PARD3: variants seen among roughly 807,000 people sequenced by gnomAD.
PARD3 encodes par-3 family cell polarity regulator.
In PARD3, 75 loss-of-function variants were observed where a neutral mutation model predicts 155.4. The observed-to-expected ratio is 0.48, with a 90% CI of 0.40 to 0.58. The LOEUF (loss-of-function observed/expected upper bound fraction) is 0.58, where lower values mean the gene tolerates loss of function less well. Ranked by LOEUF, PARD3 falls within the 20% of genes least tolerant of loss-of-function variation. The pLI, the probability that PARD3 is intolerant of heterozygous loss-of-function variation, is 0.00. For synonymous variants in PARD3, 576 were observed against 610.5 expected (o/e 0.94, Z 0.83); for missense variants, 1,642 against 1,721.7 (o/e 0.95, Z 0.82).
At chr10:34,718,024 C>A (rs1159148424) in intron 1 of PARD3, among the ~76,000 whole-genome samples, 2 of 151,762 alleles carry the variant, frequency 1.3e-5, no homozygotes, top group Non-Finnish European at 2.9e-5. Context: ...CATGGTGGTG[C>A]ATGCCTGTAA....
At chr10:34,641,880 A>C (rs2092689516) in intron 2 of PARD3, among the ~76,000 whole-genome samples, 1 of 152,128 alleles carries the variant, frequency 6.6e-6, no homozygotes, top group Non-Finnish European at 1.5e-5. Context: ...AGCGTGGAGG[A>C]GGGCACAAGG....
intron 2 of PARD3, among the ~76,000 whole-genome samples, chr10:34,594,702 A>G (rs1373196096): frequency 1.3e-5 from 2 of 152,150 alleles, no homozygotes; most frequent in African/African-American, 2.4e-5. Context: ...ATGATGGCTC[A>G]TGCCCGTAGT....
intron 3 of PARD3, among the ~76,000 whole-genome samples, chr10:34,480,794 CTTTTTTTTT>C (rs61461165): frequency 1.6e-5 from 2 of 125,770 alleles, no homozygotes; most frequent in African/African-American, 3.1e-5. Flanking sequence ...GTTTCTTTTT[CTTTTTTTTT>C]TTTTTTTTTT....
intron 19 of PARD3, among the ~76,000 whole-genome samples, chr10:34,330,612 C>A (rs555928525): frequency 1.3e-5 from 2 of 152,206 alleles, no homozygotes; most frequent in East Asian, 3.9e-4. Context: ...CTCAGGATGA[C>A]TTCACACCCC....
intron 1 of PARD3, among the ~76,000 whole-genome samples, chr10:34,718,088 AG>A (rs1407504675): frequency 4.8e-5 from 7 of 146,112 alleles, no homozygotes; most frequent in Non-Finnish European, 1.0e-4. Context: ...TGGGAGGAGG[AG>A]GCTGCAGTGA....
chr10:34,303,697 G>C (rs1957266449), intron 20 of PARD3, among the ~76,000 whole-genome samples: 1 of 151,936 alleles, frequency 6.6e-6, no homozygotes, highest in Admixed American at 6.5e-5. Context: ...AGACAGATGT[G>C]AGACAGGTGA....
chr10:34,518,371 C>T (rs1482991886), intron 2 of PARD3, among the ~76,000 whole-genome samples: 1 of 152,118 alleles, frequency 6.6e-6, no homozygotes, highest in Non-Finnish European at 1.5e-5. Context: ...ATACCATTCT[C>T]CAGTTAATGA....
chr10:34,421,052 A>G (rs917674615), intron 5 of PARD3, among the ~76,000 whole-genome samples: 5 of 152,104 alleles, frequency 3.3e-5, no homozygotes, highest in Non-Finnish European at 5.9e-5. Context: ...GTGTGCACCC[A>G]TGGTTCCAGC....
At chr10:34,320,825 C>T (rs1164000321) in intron 19 of PARD3, among the ~76,000 whole-genome samples, 1 of 152,162 alleles carries the variant, frequency 6.6e-6, no homozygotes, top group Non-Finnish European at 1.5e-5. Flanking sequence ...ATTCTTTATG[C>T]TTGTTCTGAA....
chr10:34,265,811 G>A lies in PARD3; in HGVS notation c.3419+3846C>T, dbSNP rs534694643. On this transcript the variant is annotated intron_variant, in intron 22 of 24. Coordinates refer to ENST00000374788, the MANE Select transcript of PARD3 (RefSeq NM_001184785.2). ...CTGTCTCCGGTTAATGACAACAGAAGCGGGCTGAACTTCGTGCACACATGA... is the reference window on the plus strand; with the variant it reads ...CTGTCTCCGGTTAATGACAACAGAAACGGGCTGAACTTCGTGCACACATGA... Among the ~76,000 whole-genome samples, 11 of 152,350 alleles carry A rather than the reference G, an allele frequency of 7.2e-5. No individual in the cohort carries two copies. The South Asian group carries it at 2.3e-3, about 32-fold the overall frequency.
At chr10:34,715,212 A>C (rs553269845) in intron 1 of PARD3, among the ~76,000 whole-genome samples, 2 of 151,856 alleles carry the variant, frequency 1.3e-5, no homozygotes, top group Admixed American at 1.3e-4. Context: ...CAAGTAGCTG[A>C]GATTACAGGT....
intron 3 of PARD3, among the ~76,000 whole-genome samples, chr10:34,496,567 T>G (rs2080303928): frequency 6.6e-6 from 1 of 152,144 alleles, no homozygotes; most frequent in Non-Finnish European, 1.5e-5. Flanking sequence ...TATCAGTTTA[T>G]AAGAAACACC....
intron 22 of PARD3, among the ~76,000 whole-genome samples, chr10:34,217,842 A>G (rs1368746240): frequency 6.6e-6 from 1 of 152,160 alleles, no homozygotes; most frequent in Non-Finnish European, 1.5e-5. Flanking sequence ...CTGCGACTCT[A>G]AAGAGGGAGG....
At chr10:34,189,431 C>A (rs570198483) in intron 22 of PARD3, among the ~76,000 whole-genome samples, 46 of 152,284 alleles carry the variant, frequency 3.0e-4, no homozygotes, top group African/African-American at 1.1e-3. Flanking sequence ...GGGGAGGGGG[C>A]AAAACAGCTG....
At chr10:34,277,412 G>A (rs1441835676) in intron 21 of PARD3, among the ~76,000 whole-genome samples, 1 of 152,080 alleles carries the variant, frequency 6.6e-6, no homozygotes, top group African/African-American at 2.4e-5. Flanking sequence ...TGCCAGTTTG[G>A]TGCCTATGCT....
chr10:34,164,849 G>A (rs1027695167), intron 22 of PARD3, among the ~76,000 whole-genome samples: 2 of 152,104 alleles, frequency 1.3e-5, no homozygotes, highest in African/African-American at 4.8e-5. Flanking sequence ...GGGGATGAGC[G>A]AAAACAAGCA....
At chr10:34,619,853 G>A (rs2091522694) in intron 2 of PARD3, among the ~76,000 whole-genome samples, 1 of 152,160 alleles carries the variant, frequency 6.6e-6, no homozygotes, top group South Asian at 2.1e-4. Flanking sequence ...TCAGGAAACT[G>A]TTCCTGACAC....
chr10:34,329,333 C>T (rs1292047058), intron 19 of PARD3, among the ~76,000 whole-genome samples: 4 of 151,926 alleles, frequency 2.6e-5, no homozygotes, highest in Non-Finnish European at 5.9e-5. Context: ...AGTTCAAAAG[C>T]ATCATTATAG....
intron 3 of PARD3, among the ~76,000 whole-genome samples, chr10:34,499,962 G>C (rs2080570362): frequency 6.6e-6 from 1 of 152,174 alleles, no homozygotes; most frequent in Non-Finnish European, 1.5e-5. Context: ...GTAAATAGTT[G>C]TTATACTGTA....
Sources: gnomAD v4.1 joint callset for allele counts (sites outside exome capture counted in the v4.1 genomes callset) on GRCh38, gnomAD v4.1.1 for gene constraint, MANE v1.5 for transcripts, NCBI Gene and HGNC (gene_info 2026-07-23, HGNC 2026-07-21) for gene names.